The following KHDRBS2 variants were observed in gnomAD, a reference collection of about 807,000 sequenced individuals.
The protein encoded by KHDRBS2 is KH RNA binding domain containing, signal transduction associated 2, also known as KH domain-containing, RNA-binding, signal transduction-associated protein 2.
In KHDRBS2, 26 loss-of-function variants were observed where a neutral mutation model predicts 44.3. That is an observed-to-expected ratio of 0.59 (90% CI 0.43 to 0.81). The LOEUF (loss-of-function observed/expected upper bound fraction) is 0.81. KHDRBS2 is among the 40% of genes least tolerant of loss of function. The pLI is 0.00. For synonymous variants in KHDRBS2, 194 were observed against 151.1 expected (o/e 1.28, Z -2.08); for missense variants, 476 against 433.1 (o/e 1.10, Z -0.88).
At chr6:61,938,768 CAGA>C (rs981416193) in intron 4 of KHDRBS2, among the ~76,000 whole-genome samples, 9 of 152,004 alleles carry the variant, frequency 5.9e-5, no homozygotes, top group Non-Finnish European at 1.3e-4. Flanking sequence ...TGAGAAAATC[CAGA>C]AGAAAAAATG....
intron 2 of KHDRBS2, among the ~76,000 whole-genome samples, chr6:62,059,878 A>T (rs1243198637): frequency 1.3e-5 from 2 of 151,870 alleles, no homozygotes; most frequent in South Asian, 2.1e-4. Flanking sequence ...TACAAAATTT[A>T]AAAAAACAAG....
In KHDRBS2 at chr6:61,999,025, T is replaced by A. The variant is rs77889688; in HGVS notation, c.337-20813A>T. ...GCCTACATTTTCTCATTTATTTTGT[T>A]TTGAGACTTGTTATCTTTATGTACT... On this transcript the variant is annotated intron_variant, in intron 3 of 8. Transcript: ENST00000281156. 3.5e-3 allele frequency among the ~76,000 whole-genome samples: 532 copies of A among 152,260 alleles called. 3 individuals carry two copies. The highest frequency in any genetic ancestry group is 0.012 in the African/African-American group (514 of 41,584).
chr6:62,285,779 C>A, intron 1 of KHDRBS2, 79 bp downstream of exon 1: 2 of 957,716 alleles, frequency 2.1e-6, no homozygotes, highest in South Asian at 2.8e-5. Flanking sequence ...GAGTCCCTCC[C>A]CAACTTCACT....
chr6:62,010,442 C>G (rs1211535654), intron 3 of KHDRBS2, among the ~76,000 whole-genome samples: 1 of 152,030 alleles, frequency 6.6e-6, no homozygotes, highest in Non-Finnish European at 1.5e-5. Flanking sequence ...AGAGTTGAGA[C>G]TTTGGGGGAC....
the KHDRBS2 span, among the ~76,000 whole-genome samples, chr6:61,657,438 T>C: frequency 6.6e-6 from 1 of 151,964 alleles, no homozygotes; most frequent in African/African-American, 2.4e-5. Flanking sequence ...CTGACATCGT[T>C]TCCACGACAA....
At chr6:62,155,582 C>A (rs1816177559) in intron 2 of KHDRBS2, among the ~76,000 whole-genome samples, 1 of 152,106 alleles carries the variant, frequency 6.6e-6, no homozygotes, top group African/African-American at 2.4e-5. Flanking sequence ...GTCTTTAAGA[C>A]CACTAAGGTT....
intron 2 of KHDRBS2, among the ~76,000 whole-genome samples, chr6:62,072,519 A>G (rs144298607): frequency 6.3e-4 from 96 of 152,314 alleles, no homozygotes; most frequent in African/African-American, 2.2e-3. Context: ...CATCTCATTA[A>G]TACCTAATTT....
chr6:61,973,459 C>T (rs1771856761), intron 4 of KHDRBS2, among the ~76,000 whole-genome samples: 3 of 152,150 alleles, frequency 2.0e-5, no homozygotes, highest in Non-Finnish European at 2.9e-5. Context: ...TTTTACTTTT[C>T]CTCCATAGTC....
the KHDRBS2 span, among the ~76,000 whole-genome samples, chr6:61,630,932 A>G: frequency 5.0e-4 from 76 of 152,244 alleles, 2 homozygotes; most frequent in East Asian, 0.014. Context: ...CTCTTCAGTG[A>G]GAGGCAGGAT....
At chr6:61,983,238 T>TGCTTTCTTTCTTTCTTTCTTTC (rs1774312902) in intron 3 of KHDRBS2, among the ~76,000 whole-genome samples, 1 of 81,038 alleles carries the variant, frequency 1.2e-5, no homozygotes, top group Non-Finnish European at 2.6e-5. Flanking sequence ...CTTTCTTTCT[T>TGCTTTCTTTCTTTCTTTCTTTC]TTTTTTTTTT....
chr6:62,043,671 C>T (rs965064617), intron 3 of KHDRBS2, among the ~76,000 whole-genome samples: 7 of 151,848 alleles, frequency 4.6e-5, no homozygotes, highest in African/African-American at 1.7e-4. Context: ...ACAGAGTTAT[C>T]GGCTAGGTAT....
At chr6:61,630,677 G>A in the KHDRBS2 span, among the ~76,000 whole-genome samples, 1 of 152,166 alleles carries the variant, frequency 6.6e-6, no homozygotes, top group Non-Finnish European at 1.5e-5. Flanking sequence ...TTTCCTAGGA[G>A]TCCTCAGACA....
At chr6:61,911,571 T>C (rs1806051897) in intron 4 of KHDRBS2, among the ~76,000 whole-genome samples, 3 of 152,238 alleles carry the variant, frequency 2.0e-5, no homozygotes, top group Non-Finnish European at 4.4e-5. Flanking sequence ...TTATTTACAA[T>C]ATAATACCAG....
At chr6:62,189,119 A>G (rs1824062330) in intron 1 of KHDRBS2, among the ~76,000 whole-genome samples, 1 of 151,944 alleles carries the variant, frequency 6.6e-6, no homozygotes, top group Non-Finnish European at 1.5e-5. Flanking sequence ...TCTGTCTCCA[A>G]GAAACAAAAA....
chr6:62,057,411 G>C (rs1790541575), intron 2 of KHDRBS2, among the ~76,000 whole-genome samples: 1 of 151,796 alleles, frequency 6.6e-6, no homozygotes, highest in African/African-American at 2.4e-5. Context: ...CTTAGTTCTT[G>C]GAAATTTATT....
the KHDRBS2 span, among the ~76,000 whole-genome samples, chr6:61,668,301 T>C: frequency 2.0e-5 from 3 of 151,176 alleles, no homozygotes; most frequent in African/African-American, 7.2e-5. Context: ...GTGCATAATA[T>C]GCAGTATTTA....
chr6:61,929,283 T>A (rs1809567332), intron 4 of KHDRBS2, among the ~76,000 whole-genome samples: 2 of 152,218 alleles, frequency 1.3e-5, no homozygotes, highest in Admixed American at 1.3e-4. Flanking sequence ...TATTCTAATT[T>A]TACTGATGGT....
At chr6:61,814,522 G>A (rs1407043836) in intron 6 of KHDRBS2, among the ~76,000 whole-genome samples, 4 of 87,152 alleles carry the variant, frequency 4.6e-5, no homozygotes, top group Non-Finnish European at 6.7e-5. Context: ...CAGGTGAATC[G>A]CTTGACCAGG....
chr6:61,723,744 G>A (rs996182654), intron 7 of KHDRBS2, among the ~76,000 whole-genome samples: 5 of 152,008 alleles, frequency 3.3e-5, no homozygotes, highest in Admixed American at 2.6e-4. Context: ...ACTATCTTTT[G>A]AAATAAGATA....
Sources: allele counts gnomAD v4.1 joint callset (sites outside exome capture counted in the v4.1 genomes callset), GRCh38; gene constraint gnomAD v4.1.1; transcripts MANE v1.5; gene names NCBI Gene and HGNC (gene_info 2026-07-23, HGNC 2026-07-21).